Variants in ABCD3 observed in about 807,000 individuals in gnomAD.
ABCD3 encodes ATP-binding cassette sub-family D member 3.
ABCD3 carries 41 observed loss-of-function variants against 105.5 expected under a neutral mutation model. That is an observed-to-expected ratio of 0.39 (90% CI 0.30 to 0.50). ABCD3 has a LOEUF of 0.50. Ranked by LOEUF, ABCD3 falls within the 20% of genes least tolerant of loss-of-function variation. ABCD3 has a pLI of 0.84. For synonymous variants in ABCD3, 258 were observed against 269.0 expected (o/e 0.96, Z 0.40); for missense variants, 622 against 806.3 (o/e 0.77, Z 2.77).
chr1:94,492,408 T>A (rs1649577691), intron 16 of ABCD3, among the ~76,000 whole-genome samples: 1 of 152,214 alleles, frequency 6.6e-6, no homozygotes, highest in Non-Finnish European at 1.5e-5. Flanking sequence ...CTCAATGAAT[T>A]ATAAAAATGA....
chr1:94,392,471 G>A, the ABCD3 span, among the ~76,000 whole-genome samples: 1 of 152,198 alleles, frequency 6.6e-6, no homozygotes, highest in African/African-American at 2.4e-5. Context: ...CTGCAGCACA[G>A]CCCTAGTCTA....
At chr1:94,407,961 T>C in the ABCD3 span, among the ~76,000 whole-genome samples, 1 of 152,252 alleles carries the variant, frequency 6.6e-6, no homozygotes, top group African/African-American at 2.4e-5. Flanking sequence ...ATTATTGTCT[T>C]TGGCTGTTTT....
Position 94,515,160 on chromosome 1 carries a change from C to G in ABCD3, c.1860C>G (p.Leu620=), listed in dbSNP as rs781645862. ...YSHCRKVGIT[L]FTVSHRKSLW... is the part of the protein sequence containing the mutation. ...CTTTGTATTAGGTTGGCATCACTCT[C>G]TTCACTGTGTCTCATAGGAAATCTC... The change falls in exon 22 of 23, where the codon CTC becomes CTG. Residue 620 remains leucine (L), a synonymous_variant. Transcript: ENST00000370214. 1 of 1,610,174 alleles carries G rather than the reference C, an allele frequency of 6.2e-7. No homozygotes were observed. Among genetic ancestry groups the G allele is most frequent in the Non-Finnish European group, 8.5e-7 (1 of 1,177,306 alleles).
chr1:94,444,705 G>A (rs147694550), intron 1 of ABCD3, among the ~76,000 whole-genome samples: 3 of 152,252 alleles, frequency 2.0e-5, no homozygotes, highest in East Asian at 1.9e-4. Flanking sequence ...TGGTTTCAGC[G>A]ATTATCTTTT....
the ABCD3 span, among the ~76,000 whole-genome samples, chr1:94,408,637 G>A: frequency 6.6e-6 from 1 of 152,060 alleles, no homozygotes; most frequent in Admixed American, 6.6e-5. Flanking sequence ...AGAATGGGCA[G>A]AGCCTGCCAT....
intron 2 of ABCD3, among the ~76,000 whole-genome samples, chr1:94,461,686 T>G (rs1647878166): frequency 6.6e-6 from 1 of 152,112 alleles, no homozygotes; most frequent in South Asian, 2.1e-4. Context: ...GAGTTTTCAT[T>G]GAATAATTTT....
At chr1:94,508,999 C>A (rs1038190205) in intron 21 of ABCD3, among the ~76,000 whole-genome samples, 1 of 152,138 alleles carries the variant, frequency 6.6e-6, no homozygotes, top group African/African-American at 2.4e-5. Flanking sequence ...CCTAATTGTC[C>A]TGGCCAGAAC....
Position 94,418,568 on chromosome 1 carries a change from C to T in ABCD3, c.90C>T (p.Arg30=). Residue 30 remains arginine (R), a synonymous_variant, in exon 1 of 23, where the codon CGC becomes CGT. Coordinates refer to ENST00000370214, the MANE Select transcript of ABCD3 (RefSeq NM_002858.4). ...FLLLCLLHKR[R]RALGLHGKKS... is the part of the protein sequence containing the mutation. The stretch of plus-strand genomic sequence containing the variant: ...TGCTCTGCCTGCTCCACAAGCGGCG[C>T]CGCGCCCTCGGCCTGCACGGGTAAG... 1 of 1,600,956 alleles carries T rather than the reference C, an allele frequency of 6.2e-7. No individual in the cohort carries two copies. The highest frequency in any genetic ancestry group is 8.5e-7 in the Non-Finnish European group (1 of 1,178,244).
chr1:94,435,055 C>T (rs1659848412), intron 1 of ABCD3, among the ~76,000 whole-genome samples: 1 of 152,148 alleles, frequency 6.6e-6, no homozygotes, highest in South Asian at 2.1e-4. Context: ...AGTTTATTCC[C>T]TGAAGCAGCC....
intron 1 of ABCD3, among the ~76,000 whole-genome samples, chr1:94,448,946 T>A (rs1023235429): frequency 6.7e-6 from 1 of 149,384 alleles, no homozygotes; most frequent in Non-Finnish European, 1.5e-5. Flanking sequence ...TAACTTTAAA[T>A]TTTTTTTAGC....
At chr1:94,387,358 C>T in the ABCD3 span, among the ~76,000 whole-genome samples, 1 of 152,126 alleles carries the variant, frequency 6.6e-6, no homozygotes, top group Non-Finnish European at 1.5e-5. Flanking sequence ...TTTTAAAAGA[C>T]ACTAACAGGT....
chr1:94,503,906 CTTTTTTTTTT>C (rs71097203), intron 20 of ABCD3, among the ~76,000 whole-genome samples: 9 of 69,790 alleles, frequency 1.3e-4, no homozygotes, highest in African/African-American at 4.5e-4. Context: ...ACAAGTGATT[CTTTTTTTTTT>C]TTTTTTTTTT....
At chr1:94,442,663 C>T (rs952092175) in intron 1 of ABCD3, among the ~76,000 whole-genome samples, 3 of 152,150 alleles carry the variant, frequency 2.0e-5, no homozygotes, top group Non-Finnish European at 4.4e-5. Context: ...TGTTATTCCA[C>T]TCTGTATGTC....
At chr1:94,449,876 C>T (rs1478364940) in intron 1 of ABCD3, among the ~76,000 whole-genome samples, 1 of 152,138 alleles carries the variant, frequency 6.6e-6, no homozygotes, top group Non-Finnish European at 1.5e-5. Context: ...TATGGTGGCA[C>T]CTCAACCTCA....
chr1:94,456,092 C>G (rs956382351), intron 1 of ABCD3, among the ~76,000 whole-genome samples: 1 of 151,760 alleles, frequency 6.6e-6, no homozygotes, highest in African/African-American at 2.4e-5. Flanking sequence ...TTCCCCCAAC[C>G]CCTGAGCCCC....
At chr1:94,451,791 C>T (rs1457712877) in intron 1 of ABCD3, among the ~76,000 whole-genome samples, 1 of 152,110 alleles carries the variant, frequency 6.6e-6, no homozygotes, top group East Asian at 1.9e-4. Flanking sequence ...CTCCAGTCAC[C>T]CAGGGTGCAA....
intron 20 of ABCD3, among the ~76,000 whole-genome samples, chr1:94,505,547 TGAG>T (rs1299828203): frequency 6.6e-6 from 1 of 151,924 alleles, no homozygotes; most frequent in Non-Finnish European, 1.5e-5. Flanking sequence ...TTGAGAAGTA[TGAG>T]TGAGAGATGC....
At position 94,506,606 on chromosome 1, in the gene ABCD3, C is replaced by T. The variant is rs139094095; in HGVS notation, c.1809C>T (p.Val603=). 28 of 1,612,698 alleles carry T rather than the reference C, an allele frequency of 1.7e-5. No homozygotes were observed. The African/African-American group carries it at 2.1e-4, about 12-fold the overall frequency. ...ILDECTSAVS[V]DVEGYIYSHC... ...ATGAATGCACAAGTGCAGTTAGTGT[C>T]GACGTGGAAGGCTACATTTATAGTC... is the stretch of plus-strand genomic sequence containing the variant. The change falls in exon 21 of 23, where the codon GTC becomes GTT. Residue 603 remains valine, a synonymous_variant. Coordinates refer to ENST00000370214, the MANE Select transcript of ABCD3 (RefSeq NM_002858.4).
intron 21 of ABCD3, chr1:94,514,308 A>C (rs1650826087): frequency 6.6e-6 from 1 of 152,062 alleles, no homozygotes; most frequent in Admixed American, 6.6e-5. Flanking sequence ...AGATGGCAGT[A>C]GTGCTTTCAG....
Sources: gnomAD v4.1 joint callset for allele counts (sites outside exome capture counted in the v4.1 genomes callset) on GRCh38, gnomAD v4.1.1 for gene constraint, MANE v1.5 for transcripts, NCBI Gene and HGNC (gene_info 2026-07-23, HGNC 2026-07-21) for gene names.